GART: variants seen among roughly 807,000 people sequenced by gnomAD.
The protein encoded by GART is phosphoribosylglycinamide formyltransferase, phosphoribosylglycinamide synthetase, phosphoribosylaminoimidazole synthetase, also known as trifunctional purine biosynthetic protein adenosine-3.
Under a neutral mutation model 107.2 loss-of-function variants are expected in GART, and 43 were observed. The observed-to-expected ratio is 0.40, with a 90% CI of 0.31 to 0.52. GART has a LOEUF of 0.52. GART is among the 20% of genes least tolerant of loss of function. The pLI, the probability that GART is intolerant of heterozygous loss-of-function variation, is 0.52. For missense variants in GART, 1,107 were observed against 1,206.5 expected, an observed-to-expected ratio of 0.92 and a Z score of 1.22; for synonymous variants, 434 against 427.0, an observed-to-expected ratio of 1.02 and a Z score of -0.20.
At chr21:33,508,698 G>A (rs1054315557) in intron 18 of GART, among the ~76,000 whole-genome samples, 1 of 151,816 alleles carries the variant, frequency 6.6e-6, no homozygotes. Context: ...TGTATTTTTA[G>A]TGGAGACAGG....
intron 14 of GART, among the ~76,000 whole-genome samples, chr21:33,518,449 G>A (rs1481548468): frequency 6.6e-6 from 1 of 151,634 alleles, no homozygotes; most frequent in African/African-American, 2.4e-5. Context: ...CTGCACTCCA[G>A]CCTGGGTCAC....
Position 33,511,452 on chromosome 21 carries a change from T to C in GART, c.2114A>G (p.Gln705Arg), listed in dbSNP as rs770429129. ...PEKLGVDLDAQTWRIPRVFSW... is the reference protein window; with the variant it reads ...PEKLGVDLDARTWRIPRVFSW... ...GAAGACCCTGGGGATCCTCCAGGTC[T>C]GGGCATCTGAAAAAAATAGACACGA... Residue 705 changes from glutamine (Q) to arginine (R), a missense_variant, in exon 17 of 22, where the codon CAG becomes CGG. Transcript: ENST00000381815. 7.4e-6 allele frequency: 12 copies of C among 1,614,114 alleles called. No homozygotes were observed. Among genetic ancestry groups the C allele is most frequent in the Non-Finnish European group, 1.0e-5 (12 of 1,179,988 alleles).
Position 33,524,916 on chromosome 21 carries a change from C to T in GART, c.1151G>A (p.Gly384Asp). 1 of 1,614,206 alleles carries T rather than the reference C, an allele frequency of 6.2e-7. No individual in the cohort carries two copies. The highest frequency in any genetic ancestry group is 8.5e-7 in the Non-Finnish European group (1 of 1,180,032). ...LKNGKVVTHGGRVLAVTAIRE... is the reference protein window; with the variant it reads ...LKNGKVVTHGDRVLAVTAIRE... ...GATGGCTGTGACTGCAAGAACTCTA[C>T]CCCCATGAGTTACTACTTTGCCATT... Residue 384 changes from glycine to aspartate, a missense_variant, in exon 11 of 22, where the codon GGT (glycine) becomes GAT (aspartate). Physicochemically the swap from Gly to Asp is moderately conservative, Grantham distance 94. Transcript: ENST00000381815.
At chr21:33,506,146 T>A (rs147818614) in intron 18 of GART, 42 bp from the exon 19 acceptor site, 32,566 of 1,571,208 alleles carry the variant, frequency 0.021, 358 homozygotes, top group Middle Eastern at 0.038. Flanking sequence ...TACTACTACT[T>A]CTTTTTTTTT....
At chr21:33,524,147 A>G (rs1039598344) in intron 11 of GART, 5 of 985,238 alleles carry the variant, frequency 5.1e-6, no homozygotes, top group Non-Finnish European at 6.0e-6. Context: ...TTTACAGTAT[A>G]ATCAAATCAA....
intron 8 of GART, 66 bp downstream of exon 8, chr21:33,528,784 A>G: frequency 7.8e-7 from 1 of 1,274,006 alleles, no homozygotes; most frequent in Non-Finnish European, 1.1e-6. Flanking sequence ...GGAATGGAAA[A>G]TAAGTTTTAT....
At chr21:33,523,961 C>G in intron 11 of GART, 1 of 878,768 alleles carries the variant, frequency 1.1e-6, no homozygotes, top group Non-Finnish European at 1.3e-6. Flanking sequence ...GAGCAAAATT[C>G]TGTCTCAAAA....
chr21:33,527,635 T>C (rs1238774392), intron 10 of GART, among the ~76,000 whole-genome samples: 1 of 151,830 alleles, frequency 6.6e-6, no homozygotes, highest in Non-Finnish European at 1.5e-5. Flanking sequence ...AGATTTAACA[T>C]CATTTAACGA....
intron 18 of GART, among the ~76,000 whole-genome samples, chr21:33,508,381 G>A (rs2084721397): frequency 6.6e-6 from 1 of 151,948 alleles, no homozygotes; most frequent in African/African-American, 2.4e-5. Context: ...TATTACATGG[G>A]AATGTTGTAT....
intron 11 of GART, 106 bp downstream of exon 11, chr21:33,524,663 G>C: frequency 6.6e-7 from 1 of 1,519,812 alleles, no homozygotes; most frequent in Non-Finnish European, 8.8e-7. Flanking sequence ...CACTCCCACA[G>C]AGAGAAAAGA....
At chr21:33,506,297 C>T (rs1013325808) in intron 18 of GART, among the ~76,000 whole-genome samples, 193 bp from the exon 19 acceptor site, 4 of 152,084 alleles carry the variant, frequency 2.6e-5, no homozygotes, top group Non-Finnish European at 4.4e-5. Context: ...GAGCCCACCA[C>T]CACACCTGGC....
In GART at chr21:33,510,456, A is replaced by G. The variant is rs1443429193; in HGVS notation, c.2315-536T>C. ...GCCATTCTCCTGCCTCAGCCTCCCG[A>G]GTAGCTGGGACTACAGGCGCCCGCC... On this transcript the variant is annotated intron_variant, in intron 17 of 21. Coordinates refer to ENST00000381815, the MANE Select transcript of GART (RefSeq NM_000819.5). The G allele has an allele frequency of 2.0e-5, 3 of 153,076 alleles. 1 individual carries two copies. The highest frequency in any genetic ancestry group is 4.1e-4 in the South Asian group (2 of 4,848). 9.5% of individuals were successfully genotyped at this position (153,076 alleles called of 1,614,324 possible). A position where few individuals can be genotyped will look rare whatever the true frequency, so the allele number is the denominator to read the frequency against.
chr21:33,542,758 G>A, upstream of GART: 1 of 322,256 alleles, frequency 3.1e-6, no homozygotes. Flanking sequence ...GCCTGTTAAG[G>A]CTCCCAAACA....
intron 10 of GART, among the ~76,000 whole-genome samples, chr21:33,526,472 C>A (rs1224373027): frequency 1.3e-5 from 2 of 152,124 alleles, no homozygotes; most frequent in Admixed American, 6.5e-5. Flanking sequence ...CCGTGCCTGG[C>A]CTGTAAAGGA....
intron 16 of GART, among the ~76,000 whole-genome samples, chr21:33,513,115 G>C (rs993003960): frequency 3.3e-4 from 48 of 146,904 alleles, no homozygotes; most frequent in African/African-American, 1.2e-3. Flanking sequence ...CTGTGTGTGT[G>C]TGTGTGTGTG....
chr21:33,534,466 C>T, intron 4 of GART, 113 bp downstream of exon 4: 2 of 1,103,038 alleles, frequency 1.8e-6, no homozygotes, highest in East Asian at 2.5e-5. Context: ...ATTCACCTGC[C>T]TTGGCCTCCC....
At chr21:33,520,230 G>T in intron 14 of GART, 134 bp downstream of exon 14, 3 of 711,814 alleles carry the variant, frequency 4.2e-6, no homozygotes, top group Non-Finnish European at 7.1e-6. Context: ...TATTTCATTT[G>T]TGCATATCAC....
At position 33,524,937 on chromosome 21, in the gene GART, C is replaced by A; in HGVS notation, c.1130G>T (p.Gly377Val). Residue 377 changes from glycine (G) to valine (V), a missense_variant, in exon 11 of 22, where the codon GGC becomes GTC. Coordinates refer to ENST00000381815, the MANE Select transcript of GART (RefSeq NM_000819.5). ...TCTACCCCCATGAGTTACTACTTTG[C>A]CATTTTTGAGGGCAGTGCCTGCATG... Reference protein sequence around the residue: ...VFHAGTALKNGKVVTHGGRVL... With the variant: ...VFHAGTALKNVKVVTHGGRVL... The A allele has an allele frequency of 6.2e-7, 1 of 1,614,166 alleles. No homozygotes were observed. The highest frequency in any genetic ancestry group is 8.5e-7 in the Non-Finnish European group (1 of 1,180,036).
chr21:33,519,569 A>G (rs1304963976), intron 14 of GART, among the ~76,000 whole-genome samples: 1 of 151,622 alleles, frequency 6.6e-6, no homozygotes, highest in Admixed American at 6.6e-5. Flanking sequence ...AAAAAAAAAA[A>G]AAGAGGCAGT....
Sources: allele counts gnomAD v4.1 joint callset (sites outside exome capture counted in the v4.1 genomes callset), GRCh38; gene constraint gnomAD v4.1.1; transcripts MANE v1.5; gene names NCBI Gene and HGNC (gene_info 2026-07-23, HGNC 2026-07-21).